Variants in ABLIM1 observed in about 807,000 individuals in gnomAD.
ABLIM1 encodes the protein actin binding LIM protein 1.
In ABLIM1, 40 loss-of-function variants were observed where a neutral mutation model predicts 107.0. The ratio of observed to expected loss-of-function variants is 0.37; its 90% CI spans 0.29 to 0.49. ABLIM1 has a LOEUF of 0.49. Among genes scored for constraint, ABLIM1 ranks in the 20% least tolerant of loss-of-function variants. The pLI, the probability that ABLIM1 is intolerant of heterozygous loss-of-function variation, is 0.97. For missense variants in ABLIM1, 857 were observed against 1,008.5 expected, an observed-to-expected ratio of 0.85 and a Z score of 2.04; for synonymous variants, 357 against 357.3, an observed-to-expected ratio of 1.00 and a Z score of 0.01.
chr10:114,526,797 C>T (rs2064841354), intron 6 of ABLIM1: 1 of 985,534 alleles, frequency 1.0e-6, no homozygotes, highest in African/African-American at 1.7e-5. Flanking sequence ...GAGGCTCCCA[C>T]CTGCCTGGGT....
upstream of ABLIM1, among the ~76,000 whole-genome samples, chr10:114,686,076 C>T (rs1000730237): frequency 3.3e-5 from 5 of 152,084 alleles, no homozygotes; most frequent in African/African-American, 1.2e-4. Context: ...AGGACAGGGG[C>T]AAAGTGGGGG....
At position 114,434,989 on chromosome 10, in the gene ABLIM1, A is replaced by T. The variant is rs1330526109; in HGVS notation, c.*1271T>A. 6.6e-6 allele frequency: 1 copy of T among 152,172 alleles called. No homozygotes were observed. The highest frequency in any genetic ancestry group is 1.5e-5 in the Non-Finnish European group (1 of 68,042). 9.4% of individuals were successfully genotyped at this position (152,172 alleles called of 1,614,324 possible). A position where few individuals can be genotyped will look rare whatever the true frequency, so the allele number is the denominator to read the frequency against. ...ATCTTTGAGTCACACACACTCGGTGACAATGTCTTTAGAAGCTGCAACACA... is the reference window on the plus strand; with the variant it reads ...ATCTTTGAGTCACACACACTCGGTGTCAATGTCTTTAGAAGCTGCAACACA... On this transcript the variant is annotated 3_prime_UTR_variant, in exon 23 of 23. Transcript: ENST00000533213.
chr10:114,441,046 C>T lies in ABLIM1; in HGVS notation c.2030G>A (p.Ser677Asn). The change falls in exon 19 of 23, where the codon AGC becomes AAC. Residue 677 changes from serine to asparagine, a missense_variant. By Grantham distance (46) the Ser-to-Asn change is conservative (BLOSUM62 1). Transcript: ENST00000533213. ...PVSTDFAQYN[S>N]YGDVSGGVRD... is the part of the protein sequence containing the mutation. Reference sequence around the variant, plus strand: ...CACTCCCCCGCTGACATCCCCATAGCTGTTATACTGAGCGAAGTCGGTAGA... The same window carrying T: ...CACTCCCCCGCTGACATCCCCATAGTTGTTATACTGAGCGAAGTCGGTAGA... 1 of 1,590,190 alleles carries T rather than the reference C, an allele frequency of 6.3e-7. No homozygotes were observed.
chr10:114,507,135 A>G (rs577516724), intron 6 of ABLIM1, among the ~76,000 whole-genome samples: 213 of 152,342 alleles, frequency 1.4e-3, no homozygotes, highest in African/African-American at 4.9e-3. Flanking sequence ...AGTCAGAAAA[A>G]CACAGCTTGC....
intron 10 of ABLIM1, among the ~76,000 whole-genome samples, chr10:114,471,902 A>G (rs1237857603): frequency 1.3e-5 from 2 of 152,058 alleles, no homozygotes; most frequent in African/African-American, 2.4e-5. Flanking sequence ...TAATTCAAAA[A>G]ATAAAAGAGA....
intron 2 of ABLIM1, among the ~76,000 whole-genome samples, chr10:114,583,976 A>G (rs2073907367): frequency 6.6e-6 from 1 of 152,092 alleles, no homozygotes; most frequent in Non-Finnish European, 1.5e-5. Flanking sequence ...AGGGTGGGGA[A>G]GCAGGCAGGG....
chr10:114,573,980 AT>A (rs2072087463), intron 3 of ABLIM1, among the ~76,000 whole-genome samples: 1 of 152,222 alleles, frequency 6.6e-6, no homozygotes, highest in Admixed American at 6.5e-5. Flanking sequence ...TTAAATTATG[AT>A]TTAAAAAAAT....
At chr10:114,492,004 C>T (rs1466240787) in intron 6 of ABLIM1, 126 bp from the exon 7 acceptor site, 2 of 749,550 alleles carry the variant, frequency 2.7e-6, no homozygotes, top group Non-Finnish European at 4.1e-6. Context: ...GTCTAATTGA[C>T]CAAACTTCCT....
At chr10:114,513,326 T>G (rs897353304) in intron 6 of ABLIM1, among the ~76,000 whole-genome samples, 3 of 152,180 alleles carry the variant, frequency 2.0e-5, no homozygotes, top group African/African-American at 7.2e-5. Flanking sequence ...GTGTTTCAAA[T>G]GTCCGCAAGA....
intron 17 of ABLIM1, among the ~76,000 whole-genome samples, chr10:114,442,557 C>T (rs541466131): frequency 6.6e-6 from 1 of 152,288 alleles, no homozygotes; most frequent in Non-Finnish European, 1.5e-5. Context: ...TGTAAACCAC[C>T]GAATCCAAGA....
At chr10:114,699,933 G>A (rs767720765) in intron 1 of ABLIM1, among the ~76,000 whole-genome samples, 10 of 152,092 alleles carry the variant, frequency 6.6e-5, no homozygotes, top group Non-Finnish European at 8.8e-5. Flanking sequence ...CAATCCATGA[G>A]AGAATTAAGC....
At chr10:114,780,569 C>T in the ABLIM1 span, among the ~76,000 whole-genome samples, 1 of 152,090 alleles carries the variant, frequency 6.6e-6, no homozygotes, top group African/African-American at 2.4e-5. Flanking sequence ...TCTCTCCCTG[C>T]CACCCCCAAC....
chr10:114,768,508 CAAGA>C (rs1392511452), upstream of ABLIM1, among the ~76,000 whole-genome samples: 3 of 152,080 alleles, frequency 2.0e-5, no homozygotes, highest in African/African-American at 7.2e-5. Flanking sequence ...AGAGAGAAAG[CAAGA>C]AAGGGCCGTT....
intron 4 of ABLIM1, among the ~76,000 whole-genome samples, chr10:114,569,995 A>G (rs1300409346): frequency 2.0e-5 from 3 of 152,258 alleles, no homozygotes; most frequent in Non-Finnish European, 4.4e-5. Flanking sequence ...TTTAACAAGT[A>G]TAACACTTCT....
intron 1 of ABLIM1, among the ~76,000 whole-genome samples, chr10:114,759,526 T>C (rs1393702679): frequency 6.6e-6 from 1 of 152,214 alleles, no homozygotes; most frequent in Non-Finnish European, 1.5e-5. Context: ...TCTAAAATTT[T>C]ATTTTGATTT....
At chr10:114,545,167 T>C in intron 5 of ABLIM1, 69 bp from the exon 6 acceptor site, 2 of 1,371,002 alleles carry the variant, frequency 1.5e-6, no homozygotes, top group Non-Finnish European at 2.1e-6. Context: ...CAAAACCACA[T>C]TTCTCCAAGG....
chr10:114,617,712 A>G (rs995374666), intron 1 of ABLIM1, among the ~76,000 whole-genome samples: 2 of 152,238 alleles, frequency 1.3e-5, no homozygotes, highest in Admixed American at 1.3e-4. Context: ...CACATGGCAC[A>G]GGCCACATTT....
At chr10:114,600,597 A>T (rs1219323527) in intron 2 of ABLIM1, among the ~76,000 whole-genome samples, 1 of 152,174 alleles carries the variant, frequency 6.6e-6, no homozygotes, top group African/African-American at 2.4e-5. Context: ...GCTTAGGATG[A>T]CAATGCTAAG....
chr10:114,456,248 A>G (rs77284527), intron 12 of ABLIM1, among the ~76,000 whole-genome samples: 5,319 of 152,316 alleles, frequency 0.035, 256 homozygotes, highest in African/African-American at 0.11. Flanking sequence ...GTTTCCAAGT[A>G]AATGATGATG....
Sources: gnomAD v4.1 joint callset for allele counts (sites outside exome capture counted in the v4.1 genomes callset) on GRCh38, gnomAD v4.1.1 for gene constraint, MANE v1.5 for transcripts, NCBI Gene and HGNC (gene_info 2026-07-23, HGNC 2026-07-21) for gene names.